Variants in CDK15 observed in about 807,000 individuals in gnomAD.
CDK15 encodes the protein cyclin-dependent kinase 15.
In CDK15, 62 loss-of-function variants were observed where a neutral mutation model predicts 60.3. That is an observed-to-expected ratio of 1.03 (90% CI 0.84 to 1.27). The LOEUF (loss-of-function observed/expected upper bound fraction) is 1.27, where lower values mean the gene tolerates loss of function less well. Among genes scored for constraint, CDK15 ranks in the 50% most tolerant of loss-of-function variants. CDK15 has a pLI of 0.00. For synonymous variants in CDK15, 194 were observed against 195.7 expected (o/e 0.99, Z 0.07); for missense variants, 541 against 527.8 (o/e 1.03, Z -0.25).
In CDK15 at chr2:201,882,340, G is replaced by T. The variant is rs1435302551; in HGVS notation, c.1198+2173G>T. 2.6e-5 allele frequency among the ~76,000 whole-genome samples: 4 copies of T among 152,146 alleles called. No individual in the cohort carries two copies. Among genetic ancestry groups the T allele is most frequent in the Non-Finnish European group, 5.9e-5 (4 of 68,022 alleles). On this transcript the variant is annotated intron_variant, in intron 12 of 13. Coordinates refer to ENST00000652192, the MANE Select transcript of CDK15 (RefSeq NM_001366386.2). The surrounding 1 kb of genome is among the most constrained non-coding windows in gnomAD (Gnocchi z 4.0). ...ATCTTGTAGGAGGCTGCCTGCACTA[G>T]CGGGGGAAACCAGGAGTGCTCACAG...
chr2:201,867,535 G>T (rs1016657422), intron 10 of CDK15, among the ~76,000 whole-genome samples: 3 of 152,174 alleles, frequency 2.0e-5, no homozygotes, highest in Admixed American at 1.3e-4. Flanking sequence ...TGAGGCAGGA[G>T]AATGGCTTGA....
At position 201,868,430 on chromosome 2, in the gene CDK15, G is replaced by T. The variant is rs78314659; in HGVS notation, c.1010-3848G>T. 2.6e-3 allele frequency among the ~76,000 whole-genome samples: 399 copies of T among 152,188 alleles called. 1 individual carries two copies. Among genetic ancestry groups the T allele is most frequent in the African/African-American group, 9.0e-3 (372 of 41,510 alleles). Reference sequence around the variant, plus strand: ...GTCCTGGGTCCAAGTGCCTGGCCACGCATTGTTTATACTGCCCATAACTTT... The same window carrying T: ...GTCCTGGGTCCAAGTGCCTGGCCACTCATTGTTTATACTGCCCATAACTTT... On this transcript the variant is annotated intron_variant, in intron 10 of 13. Coordinates refer to ENST00000652192, the MANE Select transcript of CDK15 (RefSeq NM_001366386.2).
chr2:201,880,030 T>A lies in CDK15; in HGVS notation c.1061T>A (p.Leu354Gln). ...PRSLHVVWNRLGRVPEAEDLA... is the reference protein window; with the variant it reads ...PRSLHVVWNRQGRVPEAEDLA... ...ATTTTTCTCTCCCACTTTTCCAGGC[T>A]GGGCAGGGTTCCTGAAGCTGAAGAC... Residue 354 changes from leucine to glutamine, a missense_variant and splice_region_variant, in exon 12 of 14, where the codon CTG becomes CAG. Physicochemically the swap from Leu to Gln is moderately radical, Grantham distance 113 (BLOSUM62 -2). Coordinates refer to ENST00000652192, the MANE Select transcript of CDK15 (RefSeq NM_001366386.2). The A allele has an allele frequency of 6.2e-7, 1 of 1,613,956 alleles. No individual in the cohort carries two copies. Among genetic ancestry groups the A allele is most frequent in the South Asian group, 1.1e-5 (1 of 91,052 alleles).
rs1164142321 is a variant in CDK15, at chr2:201,894,371, A to G, written c.*1104A>G. Reference sequence around the variant, plus strand: ...AGGAAAAAGACACATGGGTAGCCCAAATCAACCTGCCTGAGTAAGTATCTG... The same window carrying G: ...AGGAAAAAGACACATGGGTAGCCCAGATCAACCTGCCTGAGTAAGTATCTG... On this transcript the variant is annotated 3_prime_UTR_variant, in exon 14 of 14. Transcript: ENST00000652192. 6.6e-6 allele frequency: 1 copy of G among 152,216 alleles called. No individual in the cohort carries two copies. The highest frequency in any genetic ancestry group is 2.4e-5 in the African/African-American group (1 of 41,450). 9.4% of individuals were successfully genotyped at this position (152,216 alleles called of 1,614,324 possible).
chr2:201,850,987 G>A (rs1376033692), intron 9 of CDK15, among the ~76,000 whole-genome samples: 1 of 152,010 alleles, frequency 6.6e-6, no homozygotes, highest in Non-Finnish European at 1.5e-5. Context: ...CTTAGAGTGG[G>A]CATTTTATAA....
intron 11 of CDK15, among the ~76,000 whole-genome samples, chr2:201,877,438 T>A (rs751318214): frequency 6.6e-5 from 10 of 151,988 alleles, no homozygotes; most frequent in Non-Finnish European, 1.0e-4. Context: ...TGTCCAGAAG[T>A]TCATATTTAA....
chr2:201,824,821 T>C, intron 6 of CDK15: 1 of 635,992 alleles, frequency 1.6e-6, no homozygotes, highest in Non-Finnish European at 2.2e-6. Flanking sequence ...TGAAGGACAG[T>C]GTTACAGCAA....
Position 201,895,483 on chromosome 2 carries a change from G to C in CDK15, c.*2216G>C, listed in dbSNP as rs1356792022. Reference sequence around the variant, plus strand: ...TTCAAAAGCTTAATAAATGTTATAAGACTCTAAAACATTTAAATCTTTCAT... The same window carrying C: ...TTCAAAAGCTTAATAAATGTTATAACACTCTAAAACATTTAAATCTTTCAT... On this transcript the variant is annotated 3_prime_UTR_variant, in exon 14 of 14. Coordinates refer to ENST00000652192, the MANE Select transcript of CDK15 (RefSeq NM_001366386.2). 6.6e-6 allele frequency: 1 copy of C among 152,104 alleles called. No homozygotes were observed. Among genetic ancestry groups the C allele is most frequent in the Non-Finnish European group, 1.5e-5 (1 of 68,032 alleles). The allele number at this position is 152,104 out of a possible 1,614,324, so 9.4% of individuals were successfully genotyped here. A position where few individuals can be genotyped will look rare whatever the true frequency, so the allele number is the denominator to read the frequency against.
At chr2:201,881,638 G>A (rs1302248254) in intron 12 of CDK15, among the ~76,000 whole-genome samples, 1 of 152,188 alleles carries the variant, frequency 6.6e-6, no homozygotes. Context: ...TTAGACTGGA[G>A]GTGAATCTAA....
intron 12 of CDK15, among the ~76,000 whole-genome samples, chr2:201,884,838 G>A (rs186487176): frequency 1.7e-3 from 258 of 152,292 alleles, no homozygotes; most frequent in Middle Eastern, 3.4e-3. Flanking sequence ...TGATATTAAA[G>A]GATACAAAAA....
At chr2:201,828,094 G>C (rs1696586620) in intron 6 of CDK15, among the ~76,000 whole-genome samples, 1 of 152,204 alleles carries the variant, frequency 6.6e-6, no homozygotes, top group Non-Finnish European at 1.5e-5. Context: ...TGACTGACGA[G>C]GAGAATTGTA....
At chr2:201,859,477 T>A (rs947996486) in intron 10 of CDK15, among the ~76,000 whole-genome samples, 1 of 152,164 alleles carries the variant, frequency 6.6e-6, no homozygotes, top group Admixed American at 6.5e-5. Flanking sequence ...CAGTGTAGGT[T>A]TCACCATCAG....
chr2:201,859,573 T>A (rs184536716), intron 10 of CDK15, among the ~76,000 whole-genome samples: 18 of 152,256 alleles, frequency 1.2e-4, no homozygotes, highest in South Asian at 8.3e-4. Context: ...TTCGAAGTAG[T>A]CATAAGCACC....
intron 12 of CDK15, chr2:201,888,674 GA>G: frequency 7.5e-7 from 1 of 1,340,976 alleles, no homozygotes; most frequent in Non-Finnish European, 9.5e-7. Flanking sequence ...GAATCCTTTT[GA>G]TTAACCGGTT....
At chr2:201,839,707 C>A (rs888459970) in intron 8 of CDK15, among the ~76,000 whole-genome samples, 1 of 151,300 alleles carries the variant, frequency 6.6e-6, no homozygotes. Flanking sequence ...GATAAAATAA[C>A]GAAACAAAAG....
At chr2:201,832,728 C>T (rs941744894) in intron 6 of CDK15, among the ~76,000 whole-genome samples, 2 of 152,140 alleles carry the variant, frequency 1.3e-5, no homozygotes, top group Admixed American at 1.3e-4. Flanking sequence ...TCCATTGGAC[C>T]ATTTGGCTCC....
intron 3 of CDK15, 51 bp downstream of exon 3, chr2:201,808,003 C>A (rs374756467): frequency 2.6e-5 from 39 of 1,478,752 alleles, no homozygotes; most frequent in Non-Finnish European, 3.1e-5. Context: ...TCCCGCCCCC[C>A]CAATTTCATA....
intron 6 of CDK15, among the ~76,000 whole-genome samples, chr2:201,831,345 C>T (rs1696745008): frequency 6.6e-6 from 1 of 152,158 alleles, no homozygotes; most frequent in African/African-American, 2.4e-5. Flanking sequence ...TCCCCCAAAA[C>T]TTATTGAGTT....
At chr2:201,858,539 T>C (rs553576755) in intron 10 of CDK15, among the ~76,000 whole-genome samples, 1 of 152,240 alleles carries the variant, frequency 6.6e-6, no homozygotes, top group East Asian at 1.9e-4. Context: ...TATTTTGATG[T>C]GGGCAGATTG....
Sources: gnomAD v4.1 joint callset for allele counts (sites outside exome capture counted in the v4.1 genomes callset) on GRCh38, gnomAD v4.1.1 for gene constraint, Gnocchi (gnomAD v3.1) non-coding constraint, MANE v1.5 for transcripts, NCBI Gene and HGNC (gene_info 2026-07-23, HGNC 2026-07-21) for gene names.